The following ANKS1A variants were observed in gnomAD, a reference collection of about 807,000 sequenced individuals.
ANKS1A encodes the protein ankyrin repeat and sterile alpha motif domain containing 1A.
A neutral mutation model predicts 120.3 loss-of-function variants in ANKS1A; 55 were observed. The ratio of observed to expected loss-of-function variants is 0.46; its 90% CI spans 0.37 to 0.57. The LOEUF (loss-of-function observed/expected upper bound fraction) is 0.57. Among genes scored for constraint, ANKS1A ranks in the 20% least tolerant of loss-of-function variants. ANKS1A has a pLI of 0.00. For synonymous variants in ANKS1A, 590 were observed against 604.7 expected, an observed-to-expected ratio of 0.98 and a Z score of 0.36; for missense variants, 1,123 against 1,480.3, an observed-to-expected ratio of 0.76 and a Z score of 3.96.
rs1698270936 is a variant in ANKS1A at position 35,082,941 on chromosome 6, C to G, written c.2835+125C>G. Reference sequence around the variant, plus strand: ...CAGGGCTTTTGAGCTGTTCTCCACTCTCAGCCACTCTTGACAGCTAAGGCG... The same window carrying G: ...CAGGGCTTTTGAGCTGTTCTCCACTGTCAGCCACTCTTGACAGCTAAGGCG... On this transcript the variant is annotated intron_variant, in intron 18 of 23. Coordinates refer to ENST00000360359, the MANE Select transcript of ANKS1A (RefSeq NM_015245.3). The surrounding 1 kb of genome is among the most constrained non-coding windows in gnomAD (Gnocchi z 4.1). 6.9e-7 allele frequency: 1 copy of G among 1,457,310 alleles called. No individual in the cohort carries two copies. Among genetic ancestry groups the G allele is most frequent in the Non-Finnish European group, 9.2e-7 (1 of 1,090,028 alleles). 90.3% of individuals were successfully genotyped at this position (1,457,310 alleles called of 1,614,324 possible).
chr6:35,060,977 T>C lies in ANKS1A; in HGVS notation c.2184+724T>C, dbSNP rs1348465295. On this transcript the variant is annotated intron_variant, in intron 13 of 23. Transcript: ENST00000360359. The surrounding 1 kb of genome is among the most constrained non-coding windows in gnomAD (Gnocchi z 4.5). Reference sequence around the variant, plus strand: ...GGAAGCCCTTCTAGAGGCATCTGCATGCGCCGGGCCTGCTTCCAGGAGCAG... The same window carrying C: ...GGAAGCCCTTCTAGAGGCATCTGCACGCGCCGGGCCTGCTTCCAGGAGCAG... Among the ~76,000 whole-genome samples the C allele has an allele frequency of 2.0e-5, 3 of 152,230 alleles. No individual in the cohort carries two copies. Among genetic ancestry groups the C allele is most frequent in the Non-Finnish European group, 4.4e-5 (3 of 68,038 alleles).
chr6:34,914,586 G>A (rs1360915326), intron 1 of ANKS1A, among the ~76,000 whole-genome samples: 1 of 152,164 alleles, frequency 6.6e-6, no homozygotes, highest in Non-Finnish European at 1.5e-5. Flanking sequence ...AGTTGGCCAG[G>A]ATGGGTGAAA....
At chr6:34,940,709 G>C (rs1769480325) in intron 1 of ANKS1A, among the ~76,000 whole-genome samples, 1 of 151,962 alleles carries the variant, frequency 6.6e-6, no homozygotes, top group Admixed American at 6.6e-5. Context: ...AGGAGTTCGA[G>C]ACCAGCCTAG....
intron 11 of ANKS1A, among the ~76,000 whole-genome samples, chr6:35,048,328 GAC>G (rs1432120552): frequency 6.6e-6 from 1 of 152,174 alleles, no homozygotes; most frequent in Non-Finnish European, 1.5e-5. Flanking sequence ...CCCACGGTAA[GAC>G]ACAGCTGAAG....
At chr6:34,979,578 GT>G (rs991509464) in intron 3 of ANKS1A, among the ~76,000 whole-genome samples, 3 of 151,594 alleles carry the variant, frequency 2.0e-5, no homozygotes, top group Non-Finnish European at 4.4e-5. Flanking sequence ...ATAGAGAAAA[GT>G]TTTTTTGTTT....
rs375303057 is a variant in ANKS1A, at chr6:34,989,213, C to G, written c.1210-11C>G. 1.2e-6 allele frequency: 2 copies of G among 1,608,456 alleles called. No individual in the cohort carries two copies. Among genetic ancestry groups the G allele is most frequent in the Non-Finnish European group, 1.7e-6 (2 of 1,178,326 alleles). On this transcript the variant is annotated splice_polypyrimidine_tract_variant and intron_variant, in intron 8 of 23. Coordinates refer to ENST00000360359, the MANE Select transcript of ANKS1A (RefSeq NM_015245.3). ...GAGATCGCAAAATATTTATTTTTTT[C>G]TCTTCTGCAGAGGGAACGTCCACCA...
chr6:35,038,164 G>T, intron 11 of ANKS1A: 1 of 456,552 alleles, frequency 2.2e-6, no homozygotes, highest in South Asian at 1.5e-5. Flanking sequence ...CCCCCATCTT[G>T]TCCTACTGTT....
At chr6:34,958,496 A>G (rs1186054257) in intron 1 of ANKS1A, among the ~76,000 whole-genome samples, 2 of 152,258 alleles carry the variant, frequency 1.3e-5, no homozygotes, top group East Asian at 3.9e-4. Flanking sequence ...AAATTCTGAA[A>G]TATGTCAGGC....
intron 10 of ANKS1A, among the ~76,000 whole-genome samples, chr6:34,998,662 AC>A (rs1772981708): frequency 6.6e-6 from 1 of 151,930 alleles, no homozygotes. Context: ...ATCGATCATG[AC>A]CCTCTCACAC....
chr6:35,049,904 C>A (rs548690848), intron 11 of ANKS1A, among the ~76,000 whole-genome samples: 88 of 152,252 alleles, frequency 5.8e-4, no homozygotes, highest in South Asian at 1.9e-3. Flanking sequence ...CCGCCTGTGC[C>A]CAACACACTT....
Position 35,090,887 on chromosome 6 carries a change from C to T in ANKS1A, c.*2278C>T, listed in dbSNP as rs1160002764. On this transcript the variant is annotated 3_prime_UTR_variant, in exon 24 of 24. Transcript: ENST00000360359. ...TCTTCTCCCCTGCCCACCAGCTGCTCAGCGCATAAGACCTTCCCGACAGGC... is the reference window on the plus strand; with the variant it reads ...TCTTCTCCCCTGCCCACCAGCTGCTTAGCGCATAAGACCTTCCCGACAGGC... 5.1e-6 allele frequency: 5 copies of T among 985,720 alleles called. No individual in the cohort carries two copies. Among genetic ancestry groups the T allele is most frequent in the Non-Finnish European group, 6.0e-6 (5 of 830,238 alleles). The allele number at this position is 985,720 out of a possible 1,614,324, so 61.1% of individuals were successfully genotyped here.
chr6:35,097,637 GAAAA>G, the ANKS1A span, among the ~76,000 whole-genome samples: 16 of 89,740 alleles, frequency 1.8e-4, no homozygotes, highest in African/African-American at 5.2e-4. Flanking sequence ...AAAGCCAAAA[GAAAA>G]AAAAAAAAAA....
rs113791030 is a variant in ANKS1A, at chr6:35,071,066, A to G, written c.2185-7492A>G. On this transcript the variant is annotated intron_variant, in intron 13 of 23. Coordinates refer to ENST00000360359, the MANE Select transcript of ANKS1A (RefSeq NM_015245.3). ...GTTGATTTGCCAGACACCTCTTTCTATTGACTCCAGGCCTTTAGATAAACT... is the reference window on the plus strand; with the variant it reads ...GTTGATTTGCCAGACACCTCTTTCTGTTGACTCCAGGCCTTTAGATAAACT... The G allele has an allele frequency of 5.6e-4, 243 of 432,412 alleles. 1 individual carries two copies. The highest frequency in any genetic ancestry group is 4.1e-3 in the African/African-American group (197 of 48,618). 26.8% of individuals were successfully genotyped at this position (432,412 alleles called of 1,614,324 possible).
intron 3 of ANKS1A, among the ~76,000 whole-genome samples, chr6:34,977,065 C>G (rs138032720): frequency 6.6e-6 from 1 of 152,074 alleles, no homozygotes; most frequent in Admixed American, 6.5e-5. Flanking sequence ...TTTTTATGAT[C>G]GAGAATCCAG....
chr6:35,028,522 G>A (rs1368536609), intron 11 of ANKS1A, among the ~76,000 whole-genome samples: 4 of 152,134 alleles, frequency 2.6e-5, no homozygotes, highest in Admixed American at 6.5e-5. Flanking sequence ...CTGAATCTAG[G>A]TGAAATTTTA....
At chr6:34,975,654 C>G (rs1183640369) in intron 3 of ANKS1A, among the ~76,000 whole-genome samples, 4 of 151,814 alleles carry the variant, frequency 2.6e-5, no homozygotes, top group South Asian at 4.1e-4. Flanking sequence ...ATCCCAAATT[C>G]TCAGGAGGCT....
At chr6:35,010,619 AG>A (rs1773713388) in intron 10 of ANKS1A, among the ~76,000 whole-genome samples, 1 of 152,208 alleles carries the variant, frequency 6.6e-6, no homozygotes, top group African/African-American at 2.4e-5. Context: ...CAAGGAAGGA[AG>A]GGGAGAGTGA....
At chr6:34,926,227 T>TGAA (rs1432443980) in intron 1 of ANKS1A, among the ~76,000 whole-genome samples, 4 of 152,064 alleles carry the variant, frequency 2.6e-5, no homozygotes, top group African/African-American at 9.7e-5. Context: ...AGGACACAGG[T>TGAA]GAAGGATGCT....
chr6:35,044,442 AG>A lies in ANKS1A; in HGVS notation c.2011-9656del, dbSNP rs1311440687. On this transcript the variant is annotated intron_variant, in intron 11 of 23. Transcript: ENST00000360359. The surrounding 1 kb of genome is among the most constrained non-coding windows in gnomAD (Gnocchi z 4.4). ...CTACCTGCAGACTCTGCCCTGTGGG[AG>A]CCAGCTCTGTCTGAGGTGAGGGAGT... Among the ~76,000 whole-genome samples, 1 of 152,186 alleles carries A rather than the reference AG, an allele frequency of 6.6e-6. No homozygotes were observed. Among genetic ancestry groups the A allele is most frequent in the African/African-American group, 2.4e-5 (1 of 41,452 alleles).
Sources: allele counts gnomAD v4.1 joint callset (sites outside exome capture counted in the v4.1 genomes callset), GRCh38; gene constraint gnomAD v4.1.1; non-coding constraint Gnocchi (gnomAD v3.1); transcripts MANE v1.5; gene names NCBI Gene and HGNC (gene_info 2026-07-23, HGNC 2026-07-21).